UGCG: variants seen among roughly 807,000 people sequenced by gnomAD.
The protein encoded by UGCG is UDP-glucose ceramide glucosyltransferase, also known as ceramide glucosyltransferase.
In UGCG, 10 loss-of-function variants were observed where a neutral mutation model predicts 49.5. The observed-to-expected ratio is 0.20, with a 90% CI of 0.12 to 0.34. UGCG has a LOEUF of 0.34. Among genes scored for constraint, UGCG ranks in the 10% least tolerant of loss-of-function variants. The pLI, the probability that UGCG is intolerant of heterozygous loss-of-function variation, is 1.00. For synonymous variants in UGCG, 182 were observed against 158.2 expected, an observed-to-expected ratio of 1.15 and a Z score of -1.13; for missense variants, 312 against 483.7, an observed-to-expected ratio of 0.65 and a Z score of 3.33.
intron 4 of UGCG, among the ~76,000 whole-genome samples, chr9:111,925,383 T>G (rs1304137765): frequency 6.6e-6 from 1 of 152,252 alleles, no homozygotes; most frequent in African/African-American, 2.4e-5. Context: ...CATAATAGTT[T>G]CAGTGTTCTA....
At chr9:111,923,988 C>T (rs1028155407) in intron 3 of UGCG, among the ~76,000 whole-genome samples, 31 of 152,064 alleles carry the variant, frequency 2.0e-4, no homozygotes, top group Admixed American at 9.2e-4. Flanking sequence ...GATGGGGTTT[C>T]GCCATGTCAT....
intron 1 of UGCG, among the ~76,000 whole-genome samples, chr9:111,904,728 G>C (rs541748750): frequency 4.9e-4 from 75 of 152,276 alleles, no homozygotes; most frequent in South Asian, 1.0e-3. Context: ...CGGGTGTGGT[G>C]GTGCTCGCCT....
intron 7 of UGCG, 46 bp from the exon 8 acceptor site, chr9:111,932,124 T>G (rs1238708524): frequency 6.3e-7 from 1 of 1,575,600 alleles, no homozygotes; most frequent in African/African-American, 1.4e-5. Context: ...GGATTTGTCT[T>G]GTAGCCAGGA....
chr9:111,929,347 T>C, intron 5 of UGCG, 153 bp from the exon 6 acceptor site: 1 of 718,056 alleles, frequency 1.4e-6, no homozygotes, highest in Non-Finnish European at 2.1e-6. Flanking sequence ...GAAAGCAATA[T>C]TGTCTACCAC....
chr9:111,910,849 G>C (rs1837983898), intron 1 of UGCG, among the ~76,000 whole-genome samples: 1 of 152,098 alleles, frequency 6.6e-6, no homozygotes, highest in South Asian at 2.1e-4. Context: ...AGGTTCAAGG[G>C]ATTCTCATGC....
intron 1 of UGCG, among the ~76,000 whole-genome samples, chr9:111,909,648 G>A (rs1204916908): frequency 2.0e-5 from 3 of 152,238 alleles, no homozygotes; most frequent in East Asian, 1.9e-4. Flanking sequence ...CTGTAAAGAT[G>A]TTGTCCAGTA....
intron 1 of UGCG, among the ~76,000 whole-genome samples, chr9:111,914,297 T>G (rs1427634627): frequency 6.6e-6 from 1 of 152,164 alleles, no homozygotes; most frequent in Non-Finnish European, 1.5e-5. Flanking sequence ...TGGCTTCCCT[T>G]GGTCGTATTG....
intron 1 of UGCG, among the ~76,000 whole-genome samples, chr9:111,906,313 T>C (rs184902577): frequency 1.0e-3 from 154 of 152,316 alleles, no homozygotes; most frequent in African/African-American, 3.4e-3. Context: ...CCCCTCATTA[T>C]CCCTCATTCC....
intron 2 of UGCG, among the ~76,000 whole-genome samples, chr9:111,918,539 T>C (rs1434486323): frequency 6.6e-6 from 1 of 152,242 alleles, no homozygotes; most frequent in Non-Finnish European, 1.5e-5. Flanking sequence ...TCTGAACTTT[T>C]TTTTGGATAA....
intron 2 of UGCG, among the ~76,000 whole-genome samples, chr9:111,919,135 CT>C (rs1838170886): frequency 6.6e-6 from 1 of 152,028 alleles, no homozygotes; most frequent in South Asian, 2.1e-4. Flanking sequence ...TTTTATTGTA[CT>C]TTATGGAATT....
chr9:111,918,471 T>C (rs1838150185), intron 2 of UGCG, among the ~76,000 whole-genome samples: 1 of 152,268 alleles, frequency 6.6e-6, no homozygotes, highest in South Asian at 2.1e-4. Context: ...CTTGGAATGC[T>C]GCCTCCAATT....
intron 2 of UGCG, chr9:111,915,669 AG>A: frequency 1.8e-6 from 1 of 559,518 alleles, no homozygotes; most frequent in Non-Finnish European, 2.3e-6. Context: ...TTTTTTGGAC[AG>A]GGTAGCTCAA....
chr9:111,911,799 T>C (rs1315870573), intron 1 of UGCG, among the ~76,000 whole-genome samples: 1 of 150,846 alleles, frequency 6.6e-6, no homozygotes, highest in Non-Finnish European at 1.5e-5. Flanking sequence ...CTGGGGAGGC[T>C]AAGGTGGCAG....
chr9:111,920,818 GAGTT>G (rs1326400065), intron 2 of UGCG, among the ~76,000 whole-genome samples: 3 of 152,096 alleles, frequency 2.0e-5, no homozygotes, highest in African/African-American at 7.2e-5. Context: ...TCGTTCTCTT[GAGTT>G]AGTTAGCTTT....
chr9:111,904,241 T>C (rs1463334313), intron 1 of UGCG, among the ~76,000 whole-genome samples: 3 of 152,220 alleles, frequency 2.0e-5, no homozygotes, highest in Admixed American at 2.0e-4. Context: ...CCAATAATTA[T>C]AGCTGCTCAA....
intron 1 of UGCG, among the ~76,000 whole-genome samples, chr9:111,900,839 CA>C (rs1399834565): frequency 1.3e-5 from 2 of 152,058 alleles, no homozygotes; most frequent in Non-Finnish European, 2.9e-5. Context: ...CTGCTTTCTA[CA>C]AACGTATTTC....
intron 6 of UGCG, 101 bp from the exon 7 acceptor site, chr9:111,931,170 C>A (rs41280157): frequency 0.013 from 14,492 of 1,131,560 alleles, 142 homozygotes; most frequent in South Asian, 0.023. Context: ...CCCTGAATAC[C>A]GGCAGTTGCC....
intron 2 of UGCG, among the ~76,000 whole-genome samples, chr9:111,917,976 T>C (rs1838139584): frequency 6.6e-6 from 1 of 152,192 alleles, no homozygotes; most frequent in Non-Finnish European, 1.5e-5. Context: ...AAATCAACTA[T>C]CAGAGTTCTT....
In UGCG at chr9:111,916,854, G is replaced by A. The variant is rs201259851; in HGVS notation, c.240+2108G>A. Among the ~76,000 whole-genome samples, 26 of 151,922 alleles carry A rather than the reference G, an allele frequency of 1.7e-4. No individual in the cohort carries two copies. The East Asian group carries it at 5.1e-3, about 30-fold the overall frequency. On this transcript the variant is annotated intron_variant, in intron 2 of 8. Transcript: ENST00000374279. ...ACCCCATAACTGATTTCTTGTGAAT[G>A]AAGATTTTGGCCAGGCGTGGTGGCT...
Sources: allele counts gnomAD v4.1 joint callset (sites outside exome capture counted in the v4.1 genomes callset), GRCh38; gene constraint gnomAD v4.1.1; transcripts MANE v1.5; gene names NCBI Gene and HGNC (gene_info 2026-07-23, HGNC 2026-07-21).